BCAR3: variants seen among roughly 807,000 people sequenced by gnomAD.
BCAR3 encodes breast cancer anti-estrogen resistance protein 3.
In BCAR3, 37 loss-of-function variants were observed where a neutral mutation model predicts 80.1. That is an observed-to-expected ratio of 0.46 (90% CI 0.36 to 0.61). The LOEUF is 0.61. BCAR3 is among the 20% of genes least tolerant of loss of function. The probability of loss-of-function intolerance (pLI) is 0.00; values close to 1 mark genes in which losing one functional copy is unlikely to be tolerated. For missense variants in BCAR3, 978 were observed against 1,068.2 expected (o/e 0.92, Z 1.18); for synonymous variants, 389 against 418.9 (o/e 0.93, Z 0.87).
intron 3 of BCAR3, among the ~76,000 whole-genome samples, chr1:93,595,704 G>A (rs1393066133): frequency 6.6e-6 from 1 of 152,232 alleles, no homozygotes; most frequent in Admixed American, 6.5e-5. Context: ...TTGATGGACT[G>A]TAAACCCCAC....
Position 93,584,069 on chromosome 1 carries a change from T to G in BCAR3, c.982A>C (p.Arg328=). The part of the protein sequence containing the change: ...QPACLDHMQD[R]RALSLKAHQS... ...TGGGCTTTGAGGGACAAGGCTCTTC[T>G]GTCCTGCATGTGATCCAGGCAGGCG... Residue 328 remains arginine, a synonymous_variant, in exon 6 of 12, where the codon AGA becomes CGA. Coordinates refer to ENST00000260502, the MANE Select transcript of BCAR3 (RefSeq NM_003567.4). 6.2e-7 allele frequency: 1 copy of G among 1,614,204 alleles called. No homozygotes were observed. Among genetic ancestry groups the G allele is most frequent in the South Asian group, 1.1e-5 (1 of 91,072 alleles).
chr1:93,816,791 C>T (rs149114315), intron 2 of BCAR3, among the ~76,000 whole-genome samples: 1 of 151,374 alleles, frequency 6.6e-6, no homozygotes, highest in South Asian at 2.1e-4. Context: ...GTCAAAACAA[C>T]CACCATAGCT....
intron 2 of BCAR3, among the ~76,000 whole-genome samples, chr1:93,650,464 C>T (rs1374341497): frequency 6.6e-6 from 1 of 152,214 alleles, no homozygotes; most frequent in African/African-American, 2.4e-5. Context: ...TAAAGCCAGA[C>T]TACCTGGTTT....
At chr1:93,780,540 G>A (rs1036541846) in intron 2 of BCAR3, among the ~76,000 whole-genome samples, 1 of 149,418 alleles carries the variant, frequency 6.7e-6, no homozygotes, top group African/African-American at 2.5e-5. Flanking sequence ...AAAGAAAATG[G>A]AGATGGTAAA....
At chr1:93,662,462 T>C (rs1366645244) in intron 2 of BCAR3, among the ~76,000 whole-genome samples, 2 of 152,128 alleles carry the variant, frequency 1.3e-5, no homozygotes, top group African/African-American at 2.4e-5. Flanking sequence ...AGATCTCTTT[T>C]TTTTTAAAAA....
At chr1:93,791,201 T>C (rs372193484) in intron 2 of BCAR3, among the ~76,000 whole-genome samples, 1 of 76,004 alleles carries the variant, frequency 1.3e-5, no homozygotes, top group Non-Finnish European at 2.3e-5. Context: ...ATGGTATTTC[T>C]AGTTCTAGAT....
intron 2 of BCAR3, chr1:93,723,661 C>T (rs979630268): frequency 3.9e-5 from 6 of 152,150 alleles, no homozygotes; most frequent in Non-Finnish European, 8.8e-5. Flanking sequence ...GCCTCAGGAA[C>T]AACAAGACTT....
intron 2 of BCAR3, among the ~76,000 whole-genome samples, chr1:93,758,263 G>T (rs186774492): frequency 1.3e-5 from 2 of 152,350 alleles, no homozygotes; most frequent in Non-Finnish European, 2.9e-5. Flanking sequence ...CCTCTGGTCT[G>T]CACTGCTCTA....
intron 3 of BCAR3, among the ~76,000 whole-genome samples, chr1:93,618,942 T>TG (rs1366348303): frequency 7.9e-5 from 12 of 150,964 alleles, no homozygotes; most frequent in Admixed American, 3.3e-4. Context: ...TTTTTTTGTT[T>TG]TTTTTTTTTT....
chr1:93,667,032 T>C (rs889091492), intron 2 of BCAR3, among the ~76,000 whole-genome samples: 1 of 152,320 alleles, frequency 6.6e-6, no homozygotes. Context: ...TCACATGAGA[T>C]TGTATCTGAT....
At chr1:93,675,782 TCTC>T (rs1432056556) in intron 1 of BCAR3, among the ~76,000 whole-genome samples, 3 of 151,972 alleles carry the variant, frequency 2.0e-5, no homozygotes, top group African/African-American at 4.8e-5. Flanking sequence ...CCCGACACTC[TCTC>T]CTATCTAGGA....
At chr1:93,843,015 G>T (rs1326563914) in intron 2 of BCAR3, among the ~76,000 whole-genome samples, 1 of 152,154 alleles carries the variant, frequency 6.6e-6, no homozygotes, top group Non-Finnish European at 1.5e-5. Context: ...GATGAAAAAG[G>T]CCTTCATTTC....
chr1:93,721,975 C>T (rs1650421463), intron 2 of BCAR3, among the ~76,000 whole-genome samples: 1 of 152,094 alleles, frequency 6.6e-6, no homozygotes, highest in East Asian at 1.9e-4. Context: ...GTAATGACAA[C>T]TATTATTATT....
At chr1:93,766,336 C>T in intron 2 of BCAR3, among the ~76,000 whole-genome samples, 1 of 152,204 alleles carries the variant, frequency 6.6e-6, no homozygotes, top group Non-Finnish European at 1.5e-5. Flanking sequence ...CATTAGGTAA[C>T]ACTAAGTGTG....
intron 2 of BCAR3, among the ~76,000 whole-genome samples, chr1:93,748,673 C>G (rs1321730978): frequency 2.6e-5 from 4 of 152,216 alleles, no homozygotes; most frequent in African/African-American, 9.6e-5. Context: ...AAAAGCACCT[C>G]AAATACTGAC....
In BCAR3 at chr1:93,734,778, A is replaced by G. The variant is rs1229893830; in HGVS notation, c.-62-28636T>C. On this transcript the variant is annotated intron_variant, in intron 2 of 13. Coordinates refer to the BCAR3 transcript ENST00000370244. ...AGGGGCTTCAGAATAGCGGGCACAC[A>G]GAGGATGCCCATTCCTGGCATCTGA... is the stretch of plus-strand genomic sequence containing the variant. Among the ~76,000 whole-genome samples, 3 of 152,220 alleles carry G rather than the reference A, an allele frequency of 2.0e-5. No homozygotes were observed. In the East Asian group the frequency reaches 5.8e-4, roughly 29 times the overall value.
At chr1:93,571,956 A>C in intron 8 of BCAR3, 115 bp from the exon 9 acceptor site, 1 of 1,240,480 alleles carries the variant, frequency 8.1e-7, no homozygotes, top group Non-Finnish European at 1.1e-6. Context: ...TTGCTCTAAA[A>C]TGTGCCGGCA....
At chr1:93,842,541 G>A (rs575428640) in intron 2 of BCAR3, among the ~76,000 whole-genome samples, 33 of 152,176 alleles carry the variant, frequency 2.2e-4, no homozygotes, top group African/African-American at 7.0e-4. Flanking sequence ...ACCCTCAGAC[G>A]GTTTTCTGAA....
intron 2 of BCAR3, among the ~76,000 whole-genome samples, chr1:93,745,890 A>C (rs184120166): frequency 6.6e-6 from 1 of 152,354 alleles, no homozygotes; most frequent in East Asian, 1.9e-4. Context: ...AAAAAATTAA[A>C]AACAAAACCA....
Sources: gnomAD v4.1 joint callset for allele counts (sites outside exome capture counted in the v4.1 genomes callset) on GRCh38, gnomAD v4.1.1 for gene constraint, MANE v1.5 for transcripts, NCBI Gene and HGNC (gene_info 2026-07-23, HGNC 2026-07-21) for gene names.